CCDC125: variants seen among roughly 807,000 people sequenced by gnomAD.
CCDC125 encodes the protein coiled-coil domain containing 125.
Under a neutral mutation model 57.4 loss-of-function variants are expected in CCDC125, and 43 were observed. The ratio of observed to expected loss-of-function variants is 0.75; its 90% CI spans 0.59 to 0.97. The LOEUF (loss-of-function observed/expected upper bound fraction) is 0.97, where lower values mean the gene tolerates loss of function less well. Among genes scored for constraint, CCDC125 ranks in the 50% least tolerant of loss-of-function variants. The pLI, the probability that CCDC125 is intolerant of heterozygous loss-of-function variation, is 0.00. For synonymous variants in CCDC125, 187 were observed against 195.2 expected (o/e 0.96, Z 0.35); for missense variants, 563 against 595.7 (o/e 0.95, Z 0.57).
At position 69,282,781 on chromosome 5, in the gene CCDC125, T is replaced by C; in HGVS notation, c.1484A>G (p.Asn495Ser). The C allele has an allele frequency of 6.2e-7, 1 of 1,612,830 alleles. No individual in the cohort carries two copies. Among genetic ancestry groups the C allele is most frequent in the Non-Finnish European group, 8.5e-7 (1 of 1,179,788 alleles). Residue 495 changes from asparagine (N) to serine (S), a missense_variant, in exon 12 of 12, where the codon AAC (asparagine) becomes AGC (serine). Transcript: ENST00000396496. The stretch of plus-strand genomic sequence containing the variant: ...ATGGGATCTTTTAAGAGTTCTATAG[T>C]TTGGATCTATTTGAGAGTGCTGGAT... ...CSIQHSQIDP[N>S]YRTLKRSHSL...
At chr5:69,297,047 G>A (rs1755451492) in intron 8 of CCDC125, among the ~76,000 whole-genome samples, 1 of 152,156 alleles carries the variant, frequency 6.6e-6, no homozygotes, top group Admixed American at 6.6e-5. Context: ...AACATAGCGT[G>A]CCATATATTT....
At chr5:69,310,502 G>A in intron 4 of CCDC125, 1 of 159,354 alleles carries the variant, frequency 6.3e-6, no homozygotes, top group Non-Finnish European at 1.4e-5. Context: ...ATGTGGAACT[G>A]TAAGTCCAAT....
At chr5:69,273,497 GAGAA>G in the CCDC125 span, among the ~76,000 whole-genome samples, 1 of 152,074 alleles carries the variant, frequency 6.6e-6, no homozygotes, top group Non-Finnish European at 1.5e-5. Flanking sequence ...TTCTCACATT[GAGAA>G]CATGGTAATG....
At chr5:69,319,969 A>C (rs935311040) in intron 2 of CCDC125, among the ~76,000 whole-genome samples, 9 of 151,992 alleles carry the variant, frequency 5.9e-5, no homozygotes, top group Non-Finnish European at 1.2e-4. Context: ...AAAAACACAA[A>C]AATTAGCCAG....
At position 69,282,772 on chromosome 5, in the gene CCDC125, G is replaced by A. The variant is rs1450593537; in HGVS notation, c.1493C>T (p.Thr498Ile). ...QHSQIDPNYR[T>I]LKRSHSLPSS... The stretch of plus-strand genomic sequence containing the variant: ...TGGCAAAGAATGGGATCTTTTAAGA[G>A]TTCTATAGTTTGGATCTATTTGAGA... The change falls in exon 12 of 12, where the codon ACT (threonine) becomes ATT (isoleucine). Residue 498 changes from threonine to isoleucine, a missense_variant. Transcript: ENST00000396496. 2 of 1,610,820 alleles carry A rather than the reference G, an allele frequency of 1.2e-6. No individual in the cohort carries two copies. The highest frequency in any genetic ancestry group is 1.7e-6 in the Non-Finnish European group (2 of 1,179,324).
chr5:69,282,873 G>A lies in CCDC125; in HGVS notation c.1392C>T (p.Phe464=), dbSNP rs1343424146. Residue 464 remains phenylalanine (F), a synonymous_variant, in exon 12 of 12, where the codon TTC becomes TTT. Transcript: ENST00000396496. The part of the protein sequence containing the change: ...FNNPWRKTSE[F]SVLGDPIHSS... Reference sequence around the variant, plus strand: ...AATGTATAGGATCACCCAAAACAGAGAATTCTGAAGTCTTACGCCAGGGGT... The same window carrying A: ...AATGTATAGGATCACCCAAAACAGAAAATTCTGAAGTCTTACGCCAGGGGT... The A allele has an allele frequency of 1.2e-6, 2 of 1,614,100 alleles. No homozygotes were observed. Among genetic ancestry groups the A allele is most frequent in the Non-Finnish European group, 1.7e-6 (2 of 1,180,010 alleles).
intron 9 of CCDC125, among the ~76,000 whole-genome samples, chr5:69,294,496 T>G (rs1561422514): frequency 6.6e-6 from 1 of 152,182 alleles, no homozygotes; most frequent in Non-Finnish European, 1.5e-5. Flanking sequence ...TTTTACCATG[T>G]TGGCCAGGCT....
intron 8 of CCDC125, among the ~76,000 whole-genome samples, chr5:69,295,633 T>C (rs542799423): frequency 2.6e-5 from 4 of 152,142 alleles, no homozygotes; most frequent in Non-Finnish European, 5.9e-5. Flanking sequence ...AGCTGTCTTA[T>C]CTTCTTATAC....
At chr5:69,294,924 C>A (rs769028350) in intron 8 of CCDC125, 24 bp from the exon 9 acceptor site, 24 of 1,594,936 alleles carry the variant, frequency 1.5e-5, no homozygotes, top group Non-Finnish European at 1.9e-5. Context: ...AGCATTGCTC[C>A]TGTTATTAAG....
At chr5:69,291,643 C>T (rs768041117) in intron 10 of CCDC125, among the ~76,000 whole-genome samples, 8 of 152,206 alleles carry the variant, frequency 5.3e-5, no homozygotes, top group Non-Finnish European at 1.2e-4. Context: ...GCGTGAGCCA[C>T]CACACCCAGC....
At chr5:69,273,989 A>T in the CCDC125 span, among the ~76,000 whole-genome samples, 13 of 151,976 alleles carry the variant, frequency 8.6e-5, no homozygotes, top group African/African-American at 2.7e-4. Context: ...TTTTTAAAAA[A>T]TTTTTCTTTA....
chr5:69,322,289 A>G (rs1161355907), intron 1 of CCDC125, among the ~76,000 whole-genome samples: 1 of 151,798 alleles, frequency 6.6e-6, no homozygotes, highest in Non-Finnish European at 1.5e-5. Context: ...GGGGGTGGGG[A>G]GCAGATATAC....
downstream of CCDC125, among the ~76,000 whole-genome samples, chr5:69,280,019 A>G (rs985508463): frequency 3.3e-5 from 5 of 152,154 alleles, no homozygotes; most frequent in African/African-American, 1.2e-4. Context: ...ACTCACAATC[A>G]TGAGAACAGC....
At chr5:69,279,653 G>A (rs944959911), downstream of CCDC125, among the ~76,000 whole-genome samples, 4 of 152,136 alleles carry the variant, frequency 2.6e-5, no homozygotes, top group East Asian at 5.8e-4. Context: ...AAACCCACTC[G>A]TGCTTCAAAT....
intron 1 of CCDC125, 144 bp downstream of exon 1, chr5:69,332,505 T>C (rs568913483): frequency 6.6e-6 from 1 of 152,274 alleles, no homozygotes; most frequent in South Asian, 2.1e-4. Context: ...CTGAAATCTA[T>C]TTCTTATTTT....
At chr5:69,301,087 C>T (rs78768071) in intron 7 of CCDC125, among the ~76,000 whole-genome samples, 13,992 of 128,374 alleles carry the variant, frequency 0.11, 895 homozygotes, top group South Asian at 0.22. Context: ...GAGCAAGACT[C>T]CCTCTCAAAA....
downstream of CCDC125, among the ~76,000 whole-genome samples, chr5:69,279,495 CG>C (rs1164647149): frequency 2.6e-5 from 4 of 152,172 alleles, no homozygotes; most frequent in African/African-American, 9.7e-5. Context: ...CGTGCCCGGC[CG>C]CTCATGCAGT....
chr5:69,286,338 T>C (rs1753454985), intron 10 of CCDC125, among the ~76,000 whole-genome samples: 1 of 149,868 alleles, frequency 6.7e-6, no homozygotes, highest in African/African-American at 2.5e-5. Flanking sequence ...TTCGCGCCAT[T>C]CTCCTGCCTC....
chr5:69,315,784 CA>C (rs1242310601), intron 2 of CCDC125, among the ~76,000 whole-genome samples: 2 of 138,476 alleles, frequency 1.4e-5, no homozygotes, highest in Non-Finnish European at 1.6e-5. Flanking sequence ...AAAAAGAAAC[CA>C]AAAAAAAACC....
Sources: allele counts gnomAD v4.1 joint callset (sites outside exome capture counted in the v4.1 genomes callset), GRCh38; gene constraint gnomAD v4.1.1; transcripts MANE v1.5; gene names NCBI Gene and HGNC (gene_info 2026-07-23, HGNC 2026-07-21).